The following SRRM3 variants were observed in gnomAD, a reference collection of about 807,000 sequenced individuals.
The protein encoded by SRRM3 is serine/arginine repetitive matrix 3, also known as serine/arginine repetitive matrix protein 3.
A neutral mutation model predicts 66.2 loss-of-function variants in SRRM3; 27 were observed. The observed-to-expected ratio is 0.41, with a 90% CI of 0.30 to 0.56. The LOEUF is 0.56. SRRM3 is among the 20% of genes least tolerant of loss of function. SRRM3 has a pLI of 0.32. For missense variants in SRRM3, 918 were observed against 991.9 expected (o/e 0.93, Z 1.00); for synonymous variants, 391 against 414.9 (o/e 0.94, Z 0.70).
At chr7:76,240,393 A>G (rs144169644) in intron 2 of SRRM3, among the ~76,000 whole-genome samples, 11,543 of 151,910 alleles carry the variant, frequency 0.076, 1,036 homozygotes, top group African/African-American at 0.21. Flanking sequence ...GGCCGAGGCG[A>G]GCAGATCACG....
At chr7:76,275,141 A>G (rs1161233587) in intron 11 of SRRM3, among the ~76,000 whole-genome samples, 1 of 151,404 alleles carries the variant, frequency 6.6e-6, no homozygotes, top group Non-Finnish European at 1.5e-5. Context: ...AAAGACATTC[A>G]GCATTCCAAC....
chr7:76,240,816 A>G (rs1554605536), intron 2 of SRRM3, among the ~76,000 whole-genome samples: 1 of 152,036 alleles, frequency 6.6e-6, no homozygotes, highest in Non-Finnish European at 1.5e-5. Flanking sequence ...GTGGGCCAAG[A>G]GGCTGGGGAC....
chr7:76,234,694 T>G (rs2116994811), intron 1 of SRRM3, among the ~76,000 whole-genome samples: 1 of 152,218 alleles, frequency 6.6e-6, no homozygotes, highest in Non-Finnish European at 1.5e-5. Context: ...GGCGCTGGGA[T>G]GTCTGGCCCA....
At chr7:76,218,124 G>A (rs1800614339) in intron 1 of SRRM3, among the ~76,000 whole-genome samples, 1 of 152,198 alleles carries the variant, frequency 6.6e-6, no homozygotes, top group African/African-American at 2.4e-5. Context: ...GCCTGGAGCG[G>A]GGGTTGGGAT....
At chr7:76,203,292 A>G (rs1258633821) in intron 1 of SRRM3, among the ~76,000 whole-genome samples, 7 of 152,140 alleles carry the variant, frequency 4.6e-5, no homozygotes, top group Non-Finnish European at 8.8e-5. Context: ...AGGTAGGGGT[A>G]TGTGGGTTGG....
rs115879758 is a variant in SRRM3 at position 76,223,270 on chromosome 7, C to A, written c.-39-11758C>A. On this transcript the variant is annotated intron_variant, in intron 1 of 14. Coordinates refer to ENST00000611745, the MANE Select transcript of SRRM3 (RefSeq NM_001110199.3). ...GTCTCTTGGTCCTCTGGTCCTTACC[C>A]CCCCAGCCCCACGCTCTTGGGCAGT... is the stretch of plus-strand genomic sequence containing the variant. 2.8e-3 allele frequency among the ~76,000 whole-genome samples: 424 copies of A among 152,278 alleles called. 3 individuals are homozygous for A. Among genetic ancestry groups the A allele is most frequent in the African/African-American group, 9.3e-3 (386 of 41,582 alleles).
At position 76,260,082 on chromosome 7, in the gene SRRM3, C is replaced by T. The variant is rs782438178; in HGVS notation, c.465-35C>T. ...GTGGGGGGCGCGCGGGGCTGCCCCC[C>T]CTCACCGCCCCCACCCCCGCCCCTT... On this transcript the variant is annotated intron_variant, in intron 4 of 14. Coordinates refer to ENST00000611745, the MANE Select transcript of SRRM3 (RefSeq NM_001110199.3). 2.8e-6 allele frequency: 4 copies of T among 1,424,702 alleles called. 1 individual carries two copies. The Admixed American group carries it at 1.3e-4, about 47-fold the overall frequency. The allele number at this position is 1,424,702 out of a possible 1,614,324, so 88.3% of individuals were successfully genotyped here.
Position 76,282,984 on chromosome 7 carries a change from G to T in SRRM3, c.1616G>T (p.Arg539Leu). 1 of 1,431,556 alleles carries T rather than the reference G, an allele frequency of 7.0e-7. No homozygotes were observed. The highest frequency in any genetic ancestry group is 2.8e-5 in the Admixed American group (1 of 35,106). The allele number at this position is 1,431,556 out of a possible 1,614,324, so 88.7% of individuals were successfully genotyped here. A position where few individuals can be genotyped will look rare whatever the true frequency, so the allele number is the denominator to read the frequency against. ...CGCAGGGACAAGGACGGCGAGGGCCGCGCAAGGCACTCTGAGGCCGAGGCC... is the reference window on the plus strand; with the variant it reads ...CGCAGGGACAAGGACGGCGAGGGCCTCGCAAGGCACTCTGAGGCCGAGGCC... ...PLSRDKDGEG[R>L]ARHSEAEATR... The change falls in exon 14 of 15, where the codon CGC becomes CTC. Residue 539 changes from arginine to leucine, a missense_variant. Physicochemically the swap from Arg to Leu is moderately radical, Grantham distance 102. Transcript: ENST00000611745.
intron 1 of SRRM3, among the ~76,000 whole-genome samples, chr7:76,229,285 TAAAC>T (rs1308029367): frequency 3.2e-4 from 49 of 152,292 alleles, no homozygotes; most frequent in African/African-American, 1.2e-3. Flanking sequence ...GAATTTCAGA[TAAAC>T]AACGGATAAT....
At position 76,282,986 on chromosome 7, in the gene SRRM3, G is replaced by A; in HGVS notation, c.1618G>A (p.Ala540Thr). 2.1e-6 allele frequency: 3 copies of A among 1,437,724 alleles called. No homozygotes were observed. The highest frequency in any genetic ancestry group is 2.5e-4 in the Middle Eastern group (1 of 3,988). 89.1% of individuals were successfully genotyped at this position (1,437,724 alleles called of 1,614,324 possible). A position where few individuals can be genotyped will look rare whatever the true frequency, so the allele number is the denominator to read the frequency against. ...LSRDKDGEGRARHSEAEATRA... is the reference protein window; with the variant it reads ...LSRDKDGEGRTRHSEAEATRA... ...CAGGGACAAGGACGGCGAGGGCCGC[G>A]CAAGGCACTCTGAGGCCGAGGCCAC... Residue 540 changes from alanine to threonine, a missense_variant, in exon 14 of 15, where the codon GCA becomes ACA. Transcript: ENST00000611745.
intron 1 of SRRM3, among the ~76,000 whole-genome samples, chr7:76,232,716 T>C (rs1393484411): frequency 6.8e-6 from 1 of 146,352 alleles, no homozygotes; most frequent in Non-Finnish European, 1.5e-5. Flanking sequence ...CCAAGAGAGG[T>C]AGAGGAGGAT....
At chr7:76,257,515 C>T (rs1167334715) in intron 3 of SRRM3, among the ~76,000 whole-genome samples, 1 of 151,352 alleles carries the variant, frequency 6.6e-6, no homozygotes, top group Non-Finnish European at 1.5e-5. Flanking sequence ...CTTTGGGAGG[C>T]CAAGGCAAGA....
intron 1 of SRRM3, among the ~76,000 whole-genome samples, chr7:76,232,859 C>T (rs951468283): frequency 7.6e-4 from 116 of 152,098 alleles, no homozygotes; most frequent in African/African-American, 2.7e-3. Context: ...CTCCTGGACC[C>T]GTCTGCCAAG....
intron 2 of SRRM3, among the ~76,000 whole-genome samples, chr7:76,238,471 A>C (rs782792120): frequency 6.6e-6 from 1 of 152,150 alleles, no homozygotes; most frequent in Non-Finnish European, 1.5e-5. Flanking sequence ...CTTAATATTG[A>C]TGGCTGGCTG....
At chr7:76,255,236 G>A (rs1393405359) in intron 3 of SRRM3, among the ~76,000 whole-genome samples, 11 of 131,366 alleles carry the variant, frequency 8.4e-5, no homozygotes, top group South Asian at 7.8e-4. Context: ...TGCAACCTCC[G>A]CCTCCTGGGT....
At chr7:76,225,432 A>G (rs1038418216) in intron 1 of SRRM3, among the ~76,000 whole-genome samples, 30 of 130,660 alleles carry the variant, frequency 2.3e-4, no homozygotes, top group African/African-American at 7.3e-4. Context: ...CAAGGCCAGG[A>G]AAAAAAAGCC....
At chr7:76,211,737 A>T (rs961890267) in intron 1 of SRRM3, among the ~76,000 whole-genome samples, 2 of 151,992 alleles carry the variant, frequency 1.3e-5, no homozygotes, top group Non-Finnish European at 2.9e-5. Context: ...CATGAGAAGC[A>T]GATTCCCAGG....
rs1452369323 is a variant in SRRM3, at chr7:76,268,886, C to G, written c.1008+1451C>G. 5.9e-5 allele frequency: 9 copies of G among 152,468 alleles called. No individual in the cohort carries two copies. In the East Asian group the frequency reaches 1.7e-3, roughly 29 times the overall value. The allele number at this position is 152,468 out of a possible 1,614,324, so 9.4% of individuals were successfully genotyped here. On this transcript the variant is annotated intron_variant, in intron 11 of 14. Coordinates refer to ENST00000611745, the MANE Select transcript of SRRM3 (RefSeq NM_001110199.3). ...CCCACAAGAGGGGCACCCACCATCC[C>G]CCACCCCTGTGGGCATGGAGTCCCA...
At chr7:76,245,550 A>T (rs1801419787) in intron 2 of SRRM3, among the ~76,000 whole-genome samples, 1 of 152,204 alleles carries the variant, frequency 6.6e-6, no homozygotes, top group African/African-American at 2.4e-5. Context: ...AGAATATAGT[A>T]TCCATCCCCT....
Sources: allele counts gnomAD v4.1 joint callset (sites outside exome capture counted in the v4.1 genomes callset), GRCh38; gene constraint gnomAD v4.1.1; transcripts MANE v1.5; gene names NCBI Gene and HGNC (gene_info 2026-07-23, HGNC 2026-07-21).